PDE4B: variants seen among roughly 807,000 people sequenced by gnomAD.
PDE4B encodes 3',5'-cyclic-AMP phosphodiesterase 4B.
PDE4B carries 20 observed loss-of-function variants against 82.2 expected under a neutral mutation model. The ratio of observed to expected loss-of-function variants is 0.24; its 90% CI spans 0.17 to 0.35. PDE4B has a LOEUF of 0.35. PDE4B is among the 10% of genes least tolerant of loss of function. The pLI is 1.00. For synonymous variants in PDE4B, 320 were observed against 318.9 expected (o/e 1.00, Z -0.04); for missense variants, 655 against 907.2 (o/e 0.72, Z 3.57).
chr1:66,374,115 A>G lies in PDE4B; in HGVS notation c.*1437A>G, dbSNP rs1020621801. On this transcript the variant is annotated 3_prime_UTR_variant, in exon 17 of 17. Coordinates refer to ENST00000341517, the MANE Select transcript of PDE4B (RefSeq NM_002600.4). ...TGGCTTTGGTTCAAAAGGAAACACTACATTTGCTCACAGATGATTCTTCTG... is the reference window on the plus strand; with the variant it reads ...TGGCTTTGGTTCAAAAGGAAACACTGCATTTGCTCACAGATGATTCTTCTG... 8 of 152,668 alleles carry G rather than the reference A, an allele frequency of 5.2e-5. No individual in the cohort carries two copies. The highest frequency in any genetic ancestry group is 1.9e-4 in the African/African-American group (8 of 41,464). The allele number at this position is 152,668 out of a possible 1,614,324, so 9.5% of individuals were successfully genotyped here.
At chr1:65,860,689 C>T (rs1646444534) in intron 1 of PDE4B, among the ~76,000 whole-genome samples, 1 of 152,162 alleles carries the variant, frequency 6.6e-6, no homozygotes, top group African/African-American at 2.4e-5. Context: ...CCTATTTCTC[C>T]ACATCCTCTC....
At chr1:66,009,573 C>T (rs543628291) in intron 3 of PDE4B, among the ~76,000 whole-genome samples, 1 of 152,264 alleles carries the variant, frequency 6.6e-6, no homozygotes, top group African/African-American at 2.4e-5. Context: ...CAACTCCTTT[C>T]CTTCCCCTCA....
intron 16 of PDE4B, among the ~76,000 whole-genome samples, chr1:66,370,025 C>T (rs965720649): frequency 2.6e-5 from 4 of 151,774 alleles, no homozygotes; most frequent in Non-Finnish European, 4.4e-5. Context: ...GTAGTGTGTG[C>T]CTGTAGTCCC....
intron 3 of PDE4B, among the ~76,000 whole-genome samples, chr1:66,213,417 G>T (rs998421244): frequency 6.6e-6 from 1 of 152,034 alleles, no homozygotes; most frequent in African/African-American, 2.4e-5. Context: ...TGATATCCAG[G>T]TGTTCCATGG....
At chr1:65,889,695 T>G (rs1302486634) in intron 1 of PDE4B, among the ~76,000 whole-genome samples, 1 of 152,142 alleles carries the variant, frequency 6.6e-6, no homozygotes, top group Non-Finnish European at 1.5e-5. Context: ...GGATAACTTT[T>G]CTAATATACT....
intron 3 of PDE4B, among the ~76,000 whole-genome samples, chr1:66,030,855 A>G (rs1348490590): frequency 2.6e-5 from 4 of 152,206 alleles, no homozygotes; most frequent in Non-Finnish European, 5.9e-5. Flanking sequence ...GACCTAATGC[A>G]AGAACAGAAA....
At chr1:66,298,877 A>C (rs1246934087) in intron 7 of PDE4B, among the ~76,000 whole-genome samples, 1 of 152,114 alleles carries the variant, frequency 6.6e-6, no homozygotes, top group Non-Finnish European at 1.5e-5. Flanking sequence ...GTGAAGTAGA[A>C]AGTACTGTGC....
intron 7 of PDE4B, among the ~76,000 whole-genome samples, chr1:66,272,639 C>A (rs1423570154): frequency 6.6e-6 from 1 of 152,022 alleles, no homozygotes; most frequent in African/African-American, 2.4e-5. Flanking sequence ...TAATCTTTTT[C>A]CTTTTCTCCC....
At chr1:66,335,426 A>G (rs1235101461) in intron 8 of PDE4B, among the ~76,000 whole-genome samples, 1 of 152,250 alleles carries the variant, frequency 6.6e-6, no homozygotes, top group African/African-American at 2.4e-5. Context: ...AAAAGCAAGC[A>G]TCTTTCATCT....
intron 7 of PDE4B, among the ~76,000 whole-genome samples, chr1:66,296,147 T>C (rs1657498811): frequency 6.6e-6 from 1 of 152,178 alleles, no homozygotes; most frequent in African/African-American, 2.4e-5. Context: ...AGCCTTATCA[T>C]GCTGTGTTAT....
chr1:66,193,754 C>G (rs1215821101), intron 3 of PDE4B, among the ~76,000 whole-genome samples: 1 of 152,026 alleles, frequency 6.6e-6, no homozygotes, highest in African/African-American at 2.4e-5. Context: ...AAGGTTATTA[C>G]CTACATGGAA....
intron 1 of PDE4B, among the ~76,000 whole-genome samples, chr1:65,845,715 C>T (rs374402318): frequency 1.3e-5 from 2 of 152,268 alleles, no homozygotes; most frequent in East Asian, 3.9e-4. Context: ...AGAGCGATAT[C>T]CACCTAAGTG....
intron 7 of PDE4B, among the ~76,000 whole-genome samples, chr1:66,308,751 G>A (rs919185889): frequency 4.6e-5 from 7 of 152,122 alleles, no homozygotes; most frequent in African/African-American, 1.7e-4. Flanking sequence ...TGAGAAAAGA[G>A]TCCCATTATG....
intron 3 of PDE4B, among the ~76,000 whole-genome samples, chr1:65,923,081 T>G (rs1190459870): frequency 6.6e-6 from 1 of 152,080 alleles, no homozygotes; most frequent in Non-Finnish European, 1.5e-5. Context: ...GTTCTCACAT[T>G]TATCTTCCAT....
At chr1:65,891,266 G>C (rs1365702227) in intron 1 of PDE4B, among the ~76,000 whole-genome samples, 1 of 152,054 alleles carries the variant, frequency 6.6e-6, no homozygotes, top group Admixed American at 6.6e-5. Context: ...TTTATAACAA[G>C]TGCTAAAGAT....
chr1:66,323,069 G>A (rs951806817), intron 7 of PDE4B, among the ~76,000 whole-genome samples: 3 of 152,058 alleles, frequency 2.0e-5, no homozygotes, highest in Admixed American at 1.3e-4. Context: ...GCAGCCAGAG[G>A]GATCTTTTTA....
At chr1:66,087,408 G>A (rs979239845) in intron 3 of PDE4B, among the ~76,000 whole-genome samples, 1 of 152,066 alleles carries the variant, frequency 6.6e-6, no homozygotes, top group East Asian at 1.9e-4. Context: ...TTTGTCAGAT[G>A]AGTAGGTTGC....
At chr1:66,152,893 A>C (rs993447508) in intron 3 of PDE4B, among the ~76,000 whole-genome samples, 8 of 152,054 alleles carry the variant, frequency 5.3e-5, no homozygotes, top group African/African-American at 1.9e-4. Context: ...TTTTGCTCTT[A>C]AGGTCTTCAG....
At chr1:65,948,396 C>G (rs933108174) in intron 3 of PDE4B, among the ~76,000 whole-genome samples, 2 of 151,888 alleles carry the variant, frequency 1.3e-5, no homozygotes, top group Non-Finnish European at 2.9e-5. Flanking sequence ...GCTTGAGGAG[C>G]AAGGATAGCC....
Sources: gnomAD v4.1 joint callset for allele counts (sites outside exome capture counted in the v4.1 genomes callset) on GRCh38, gnomAD v4.1.1 for gene constraint, MANE v1.5 for transcripts, NCBI Gene and HGNC (gene_info 2026-07-23, HGNC 2026-07-21) for gene names.